The following PTPN5 variants were observed in gnomAD, a reference collection of about 807,000 sequenced individuals.
PTPN5 encodes the protein protein tyrosine phosphatase non-receptor type 5.
PTPN5 carries 29 observed loss-of-function variants against 73.9 expected under a neutral mutation model. The ratio of observed to expected loss-of-function variants is 0.39; its 90% CI spans 0.29 to 0.54. The LOEUF (loss-of-function observed/expected upper bound fraction) is 0.54. PTPN5 is among the 20% of genes least tolerant of loss of function. The pLI is 0.65. For synonymous variants in PTPN5, 267 were observed against 304.7 expected (o/e 0.88, Z 1.29); for missense variants, 652 against 751.4 (o/e 0.87, Z 1.55).
chr11:18,754,499 C>G (rs1367057571), intron 3 of PTPN5, among the ~76,000 whole-genome samples: 1 of 152,136 alleles, frequency 6.6e-6, no homozygotes, highest in Non-Finnish European at 1.5e-5. Context: ...TCAAGAATAA[C>G]CAGCCCCATT....
At chr11:18,777,214 G>A (rs74338608) in intron 1 of PTPN5, among the ~76,000 whole-genome samples, 2,187 of 152,262 alleles carry the variant, frequency 0.014, 45 homozygotes, top group African/African-American at 0.05. Flanking sequence ...CATAGGCTTT[G>A]GCTCTGGACT....
intron 3 of PTPN5, among the ~76,000 whole-genome samples, chr11:18,761,571 T>C (rs1257448274): frequency 6.6e-6 from 1 of 152,006 alleles, no homozygotes; most frequent in Non-Finnish European, 1.5e-5. Context: ...AAAATACATG[T>C]GTGCACATGT....
chr11:18,772,198 C>G, intron 1 of PTPN5, 127 bp from the exon 2 acceptor site: 1 of 527,092 alleles, frequency 1.9e-6, no homozygotes, highest in Non-Finnish European at 3.3e-6. Context: ...CCCCTGGTGC[C>G]CTGCTTGCCT....
intron 1 of PTPN5, among the ~76,000 whole-genome samples, chr11:18,778,638 C>T (rs911191064): frequency 6.6e-6 from 1 of 152,164 alleles, no homozygotes; most frequent in Non-Finnish European, 1.5e-5. Flanking sequence ...GTGTGATGTG[C>T]CTGTACCCTC....
chr11:18,742,259 C>G lies in PTPN5; in HGVS notation c.725+3G>C. The G allele has an allele frequency of 3.1e-6, 5 of 1,614,004 alleles. No homozygotes were observed. Among genetic ancestry groups the G allele is most frequent in the Non-Finnish European group, 4.2e-6 (5 of 1,179,896 alleles). ...GAGCCCACCCCTCCTCCACCCCTCC[C>G]ACCTCTCCTGCAGACCCATGGACTT... On this transcript the variant is annotated splice_donor_region_variant and intron_variant, in intron 7 of 14. Transcript: ENST00000358540. The surrounding 1 kb of genome is among the most constrained non-coding windows in gnomAD (Gnocchi z 4.1).
upstream of PTPN5, chr11:18,792,659 CAG>C (rs1851974409): frequency 6.6e-6 from 1 of 152,478 alleles, no homozygotes; most frequent in African/African-American, 2.4e-5. Context: ...GGGCTGCACA[CAG>C]GGCAGGGATC....
At chr11:18,763,027 A>T (rs569691968) in intron 3 of PTPN5, among the ~76,000 whole-genome samples, 1 of 152,356 alleles carries the variant, frequency 6.6e-6, no homozygotes, top group Admixed American at 6.5e-5. Context: ...TACATGCTGG[A>T]CATGGAGGAT....
chr11:18,742,288 GGTGA>G lies in PTPN5; in HGVS notation c.695_698del (p.Leu232ProfsTer17). On this transcript the variant is annotated frameshift_variant, in exon 7 of 15. Coordinates refer to ENST00000358540, the MANE Select transcript of PTPN5 (RefSeq NM_006906.2). LOFTEE classifies it high-confidence loss of function. The surrounding 1 kb of genome is among the most constrained non-coding windows in gnomAD (Gnocchi z 4.1). ...TCTCCTGCAGACCCATGGACTTGAC[GGTGA>G]GTGAGGTGGGGTCAGCCTCAGGCTT... The G allele has an allele frequency of 1.2e-6, 2 of 1,614,118 alleles. No homozygotes were observed. Among genetic ancestry groups the G allele is most frequent in the Non-Finnish European group, 1.7e-6 (2 of 1,180,018 alleles).
intron 3 of PTPN5, among the ~76,000 whole-genome samples, chr11:18,753,360 CAA>C (rs1055813920): frequency 6.6e-6 from 1 of 152,214 alleles, no homozygotes; most frequent in Non-Finnish European, 1.5e-5. Context: ...CCCGTAAATT[CAA>C]AGAGTGGGAC....
chr11:18,761,242 C>G (rs1006134701), intron 3 of PTPN5, among the ~76,000 whole-genome samples: 3 of 151,880 alleles, frequency 2.0e-5, no homozygotes, highest in Non-Finnish European at 4.4e-5. Context: ...CATGTGCTGG[C>G]CCCCACTGGC....
intron 3 of PTPN5, among the ~76,000 whole-genome samples, chr11:18,762,765 G>A (rs994327147): frequency 6.6e-6 from 1 of 152,192 alleles, no homozygotes; most frequent in African/African-American, 2.4e-5. Flanking sequence ...CTGCACAGCA[G>A]TGAATATTGT....
chr11:18,765,902 G>A lies in PTPN5; in HGVS notation c.21-19C>T. 6.5e-7 allele frequency: 1 copy of A among 1,543,086 alleles called. No individual in the cohort carries two copies. Among genetic ancestry groups the A allele is most frequent in the Non-Finnish European group, 8.8e-7 (1 of 1,135,212 alleles). On this transcript the variant is annotated intron_variant, in intron 2 of 14. Transcript: ENST00000358540. ...CTCACTCCTGCAGCAGGATGGAAAA[G>A]GTAAGAATATGCTGTTGAGCCAGGA... is the stretch of plus-strand genomic sequence containing the variant.
At chr11:18,771,905 G>A (rs376323511) in intron 2 of PTPN5, 34 bp downstream of exon 2, 42 of 1,593,156 alleles carry the variant, frequency 2.6e-5, no homozygotes, top group Admixed American at 1.0e-4. Context: ...CTCAGTGGGC[G>A]GGTTGCAGGG....
intron 2 of PTPN5, among the ~76,000 whole-genome samples, chr11:18,768,698 G>C (rs957402309): frequency 6.6e-6 from 1 of 152,156 alleles, no homozygotes; most frequent in Non-Finnish European, 1.5e-5. Context: ...GACTGCAAAG[G>C]AAAATGGAGC....
chr11:18,745,556 A>C (rs145768307), intron 3 of PTPN5, among the ~76,000 whole-genome samples: 277 of 152,120 alleles, frequency 1.8e-3, no homozygotes, highest in African/African-American at 6.3e-3. Flanking sequence ...TGCCTCCCAC[A>C]CACTTTGCCA....
At chr11:18,785,431 G>T (rs1564935636) in intron 1 of PTPN5, among the ~76,000 whole-genome samples, 1 of 152,134 alleles carries the variant, frequency 6.6e-6, no homozygotes, top group African/African-American at 2.4e-5. Flanking sequence ...CCTATATGTG[G>T]ACTAATTTCA....
chr11:18,745,136 T>C (rs1849556621), intron 3 of PTPN5, among the ~76,000 whole-genome samples: 1 of 152,204 alleles, frequency 6.6e-6, no homozygotes, highest in African/African-American at 2.4e-5. Context: ...GTCCCAGATA[T>C]TGGAGGTCTG....
intron 9 of PTPN5, among the ~76,000 whole-genome samples, chr11:18,735,942 T>C (rs1849093437): frequency 6.6e-6 from 1 of 152,178 alleles, no homozygotes; most frequent in Non-Finnish European, 1.5e-5. Context: ...TTTACTGCAA[T>C]GATCCAAGTA....
intron 2 of PTPN5, 109 bp downstream of exon 2, chr11:18,771,830 G>T: frequency 2.2e-6 from 2 of 895,350 alleles, no homozygotes; most frequent in Non-Finnish European, 3.6e-6. Context: ...GGAATGATCA[G>T]GCTGAACACC....
Sources: allele counts gnomAD v4.1 joint callset (sites outside exome capture counted in the v4.1 genomes callset), GRCh38; gene constraint gnomAD v4.1.1; non-coding constraint Gnocchi (gnomAD v3.1); transcripts MANE v1.5; gene names NCBI Gene and HGNC (gene_info 2026-07-23, HGNC 2026-07-21).